IL1RL2: variants seen among roughly 807,000 people sequenced by gnomAD.
IL1RL2 encodes interleukin-1 receptor-like 2.
IL1RL2 carries 68 observed loss-of-function variants against 66.8 expected under a neutral mutation model. The observed-to-expected ratio is 1.02, with a 90% confidence interval of 0.84 to 1.25. The LOEUF is 1.25. IL1RL2 is among the 50% of genes most tolerant of loss of function. The pLI is 0.00. For synonymous variants in IL1RL2, 305 were observed against 264.6 expected (o/e 1.15, Z -1.48); for missense variants, 729 against 709.3 (o/e 1.03, Z -0.32).
intron 5 of IL1RL2, among the ~76,000 whole-genome samples, chr2:102,202,452 G>A (rs1297172196): frequency 6.6e-6 from 1 of 151,406 alleles, no homozygotes; most frequent in Non-Finnish European, 1.5e-5. Context: ...TACATAATAT[G>A]TGTATATTTA....
At chr2:102,228,911 G>A (rs1460281100) in intron 9 of IL1RL2, among the ~76,000 whole-genome samples, 1 of 152,146 alleles carries the variant, frequency 6.6e-6, no homozygotes, top group Non-Finnish European at 1.5e-5. Flanking sequence ...CATTTCAAAA[G>A]GGCATGGTGT....
intron 8 of IL1RL2, among the ~76,000 whole-genome samples, chr2:102,223,245 T>C (rs1340664830): frequency 6.6e-6 from 1 of 152,160 alleles, no homozygotes; most frequent in Admixed American, 6.5e-5. Flanking sequence ...CTCTTGTTGG[T>C]TTACTTGGGG....
intron 5 of IL1RL2, among the ~76,000 whole-genome samples, chr2:102,209,805 A>C (rs988574669): frequency 6.6e-6 from 1 of 152,160 alleles, no homozygotes; most frequent in East Asian, 1.9e-4. Context: ...AAAATATCCA[A>C]AAGAGTGCTG....
intron 11 of IL1RL2, among the ~76,000 whole-genome samples, chr2:102,237,544 A>G (rs980559401): frequency 1.3e-5 from 2 of 152,042 alleles, no homozygotes; most frequent in African/African-American, 4.8e-5. Context: ...AGTAATGCCC[A>G]TTTTCCTCTT....
At chr2:102,191,677 G>T (rs1347079561) in intron 3 of IL1RL2, among the ~76,000 whole-genome samples, 2 of 152,178 alleles carry the variant, frequency 1.3e-5, no homozygotes. Flanking sequence ...GAGGCACATG[G>T]CGTCCACTTG....
intron 8 of IL1RL2, 68 bp from the exon 9 acceptor site, chr2:102,225,830 T>C: frequency 7.9e-7 from 1 of 1,258,178 alleles, no homozygotes. Context: ...ATTAGTAAAG[T>C]ATATAATGGA....
At chr2:102,230,528 C>T (rs558278291) in intron 9 of IL1RL2, among the ~76,000 whole-genome samples, 9 of 152,320 alleles carry the variant, frequency 5.9e-5, no homozygotes, top group Admixed American at 2.0e-4. Context: ...TTTGAGCCTC[C>T]GTAAAATCAA....
intron 11 of IL1RL2, among the ~76,000 whole-genome samples, chr2:102,236,596 T>A (rs976894309): frequency 1.3e-5 from 2 of 152,204 alleles, no homozygotes; most frequent in South Asian, 4.1e-4. Context: ...TATATGAACA[T>A]AAAATTCACC....
intron 11 of IL1RL2, among the ~76,000 whole-genome samples, chr2:102,237,025 C>T (rs758013943): frequency 3.3e-5 from 5 of 152,260 alleles, no homozygotes; most frequent in African/African-American, 4.8e-5. Flanking sequence ...CTGACAGCCT[C>T]GACTGATGTC....
intron 8 of IL1RL2, among the ~76,000 whole-genome samples, chr2:102,221,007 G>T (rs1157190977): frequency 6.6e-6 from 1 of 152,172 alleles, no homozygotes; most frequent in African/African-American, 2.4e-5. Context: ...TCTGTGTCCT[G>T]AAGGCCAGTG....
intron 6 of IL1RL2, among the ~76,000 whole-genome samples, chr2:102,213,892 C>T (rs1482039728): frequency 1.3e-5 from 2 of 152,048 alleles, no homozygotes; most frequent in Non-Finnish European, 2.9e-5. Flanking sequence ...AGTTAAACTT[C>T]CAGCAAATCT....
At position 102,219,052 on chromosome 2, in the gene IL1RL2, A is replaced by T. The variant is rs1559551349; in HGVS notation, c.824A>T (p.Asp275Val). Residue 275 changes from aspartate (D) to valine (V), a missense_variant, in exon 7 of 12, where the codon GAT (aspartate) becomes GTT (valine). Coordinates refer to ENST00000264257, the MANE Select transcript of IL1RL2 (RefSeq NM_003854.4). ...VNNTLVDDYY[D>V]ESKRIREGVE... ...AACACTTTGGTGGATGATTACTATG[A>T]TGAATCCAAACGAATCAGAGAAGGG... The T allele has an allele frequency of 1.9e-6, 3 of 1,613,918 alleles. No individual in the cohort carries two copies. The highest frequency in any genetic ancestry group is 2.5e-6 in the Non-Finnish European group (3 of 1,179,824).
chr2:102,222,979 T>A (rs1041711951), intron 8 of IL1RL2, among the ~76,000 whole-genome samples: 2 of 152,222 alleles, frequency 1.3e-5, no homozygotes, highest in African/African-American at 2.4e-5. Context: ...GTTGAACTTT[T>A]TGAAAGCACT....
intron 9 of IL1RL2, among the ~76,000 whole-genome samples, chr2:102,231,084 T>C (rs1691082900): frequency 6.6e-6 from 1 of 152,138 alleles, no homozygotes; most frequent in Non-Finnish European, 1.5e-5. Flanking sequence ...AAGCTCGAAA[T>C]CGCGTTTTCC....
chr2:102,187,483 A>G lies in IL1RL2; in HGVS notation c.-12-373A>G, dbSNP rs1686785496. 4.9e-6 allele frequency: 4 copies of G among 815,712 alleles called. No homozygotes were observed. The South Asian group carries it at 8.9e-5, about 18-fold the overall frequency. 50.5% of individuals were successfully genotyped at this position (815,712 alleles called of 1,614,324 possible). Reference sequence around the variant, plus strand: ...AGCGGGGTTGGGGTCCCACGTCTGGAACCCAGGCCGCAGGCTGCGCTGGGG... The same window carrying G: ...AGCGGGGTTGGGGTCCCACGTCTGGGACCCAGGCCGCAGGCTGCGCTGGGG... On this transcript the variant is annotated intron_variant, in intron 1 of 11. Coordinates refer to ENST00000264257, the MANE Select transcript of IL1RL2 (RefSeq NM_003854.4).
intron 9 of IL1RL2, among the ~76,000 whole-genome samples, chr2:102,227,203 G>T (rs1405512527): frequency 1.3e-5 from 2 of 152,234 alleles, no homozygotes; most frequent in East Asian, 3.8e-4. Context: ...CAGCTGATCT[G>T]TGTGGAGATG....
intron 5 of IL1RL2, among the ~76,000 whole-genome samples, chr2:102,203,141 G>T (rs1231213859): frequency 1.3e-5 from 2 of 152,086 alleles, no homozygotes; most frequent in Non-Finnish European, 2.9e-5. Flanking sequence ...TGACCATATG[G>T]TTTTTAGCCT....
intron 9 of IL1RL2, among the ~76,000 whole-genome samples, chr2:102,232,520 C>T (rs1015429002): frequency 1.3e-5 from 2 of 152,188 alleles, no homozygotes; most frequent in African/African-American, 4.8e-5. Flanking sequence ...TTTGGAGAGT[C>T]TTGTTATGTT....
At chr2:102,188,531 T>C (rs926107328) in intron 2 of IL1RL2, among the ~76,000 whole-genome samples, 1 of 134,738 alleles carries the variant, frequency 7.4e-6, no homozygotes. Flanking sequence ...GAGCTTGCAG[T>C]GAGCCGAGAT....
Sources: allele counts gnomAD v4.1 joint callset (sites outside exome capture counted in the v4.1 genomes callset), GRCh38; gene constraint gnomAD v4.1.1; transcripts MANE v1.5; gene names NCBI Gene and HGNC (gene_info 2026-07-23, HGNC 2026-07-21).